EPHA5: variants seen among roughly 807,000 people sequenced by gnomAD.
The protein encoded by EPHA5 is ephrin type-A receptor 5.
Under a neutral mutation model 105.0 loss-of-function variants are expected in EPHA5, and 60 were observed. The ratio of observed to expected loss-of-function variants is 0.57; its 90% CI spans 0.46 to 0.71. The LOEUF (loss-of-function observed/expected upper bound fraction) is 0.71, where lower values mean the gene tolerates loss of function less well. Ranked by LOEUF, EPHA5 falls within the 30% of genes least tolerant of loss-of-function variation. EPHA5 has a pLI of 0.00. For synonymous variants in EPHA5, 513 were observed against 449.1 expected (o/e 1.14, Z -1.80); for missense variants, 1,218 against 1,274.7 (o/e 0.96, Z 0.68).
At chr4:65,328,266 C>T (rs1720270433) in intron 16 of EPHA5, among the ~76,000 whole-genome samples, 1 of 151,172 alleles carries the variant, frequency 6.6e-6, no homozygotes, top group East Asian at 1.9e-4. Flanking sequence ...TTTAGAAAAG[C>T]TTCAAATGTT....
chr4:65,343,891 TA>T (rs1721970253), intron 14 of EPHA5, among the ~76,000 whole-genome samples: 1 of 152,066 alleles, frequency 6.6e-6, no homozygotes, highest in Admixed American at 6.6e-5. Context: ...AAAGGTTACA[TA>T]AGCAATTTCT....
intron 8 of EPHA5, among the ~76,000 whole-genome samples, chr4:65,381,510 C>T (rs1233906311): frequency 2.0e-5 from 3 of 151,700 alleles, no homozygotes; most frequent in African/African-American, 4.8e-5. Context: ...CAATATATTT[C>T]ATTAAAGGCC....
At chr4:65,658,443 G>A (rs1749258670) in intron 1 of EPHA5, among the ~76,000 whole-genome samples, 1 of 152,024 alleles carries the variant, frequency 6.6e-6, no homozygotes, top group Non-Finnish European at 1.5e-5. Flanking sequence ...GAAGTCAAGT[G>A]TTTTTCTTCT....
At position 65,323,852 on chromosome 4, in the gene EPHA5, CTGT is replaced by C. The variant is rs1355075660; in HGVS notation, c.*259_*261del. 3.4e-6 allele frequency: 1 copy of C among 295,648 alleles called. No individual in the cohort carries two copies. Among genetic ancestry groups the C allele is most frequent in the African/African-American group, 2.2e-5 (1 of 46,456 alleles). 18.3% of individuals were successfully genotyped at this position (295,648 alleles called of 1,614,324 possible). A position where few individuals can be genotyped will look rare whatever the true frequency, so the allele number is the denominator to read the frequency against. ...TTTTGTAGAAGTAGTGGGAAGGATT[CTGT>C]TGTTGTAACTTAAGATGATGTCTAA... On this transcript the variant is annotated 3_prime_UTR_variant, in exon 17 of 17. Coordinates refer to ENST00000613740, the MANE Select transcript of EPHA5 (RefSeq NM_001281766.3).
At chr4:65,582,776 A>C (rs1741759895) in intron 3 of EPHA5, among the ~76,000 whole-genome samples, 1 of 151,698 alleles carries the variant, frequency 6.6e-6, no homozygotes, top group Non-Finnish European at 1.5e-5. Flanking sequence ...GCCAATTTAC[A>C]TATATTTACT....
intron 5 of EPHA5, among the ~76,000 whole-genome samples, chr4:65,432,853 T>C (rs977186377): frequency 6.6e-6 from 1 of 151,304 alleles, no homozygotes; most frequent in Non-Finnish European, 1.5e-5. Flanking sequence ...ATTAATAAAG[T>C]ATATATTATA....
intron 2 of EPHA5, among the ~76,000 whole-genome samples, chr4:65,615,027 A>T (rs371270193): frequency 6.6e-6 from 1 of 151,896 alleles, no homozygotes; most frequent in Admixed American, 6.6e-5. Flanking sequence ...TTTATAAAAC[A>T]GCAAAATATA....
intron 1 of EPHA5, among the ~76,000 whole-genome samples, chr4:65,666,196 A>G (rs1287805894): frequency 6.6e-6 from 1 of 152,052 alleles, no homozygotes; most frequent in Non-Finnish European, 1.5e-5. Context: ...ATGTGTTTCT[A>G]CCCCACTTTC....
intron 3 of EPHA5, among the ~76,000 whole-genome samples, chr4:65,497,999 T>C (rs529311552): frequency 6.6e-6 from 1 of 152,062 alleles, no homozygotes; most frequent in Admixed American, 6.6e-5. Context: ...GCTATAGCAG[T>C]AAACATAGAT....
At chr4:65,422,306 G>A (rs796735233) in intron 5 of EPHA5, among the ~76,000 whole-genome samples, 6 of 152,158 alleles carry the variant, frequency 3.9e-5, no homozygotes, top group African/African-American at 1.4e-4. Flanking sequence ...TAATGATGAT[G>A]CACAAATTGT....
chr4:65,373,239 T>G (rs1168221391), intron 8 of EPHA5, among the ~76,000 whole-genome samples: 5 of 152,000 alleles, frequency 3.3e-5, no homozygotes, highest in South Asian at 2.1e-4. Flanking sequence ...GATTATATTT[T>G]GCTTAGCAAG....
At chr4:65,550,376 G>A (rs1049822111) in intron 3 of EPHA5, among the ~76,000 whole-genome samples, 4 of 151,964 alleles carry the variant, frequency 2.6e-5, no homozygotes, top group African/African-American at 7.2e-5. Context: ...ATGTTAAAAT[G>A]AATATTTTAT....
At chr4:65,586,781 C>A (rs1040616424) in intron 3 of EPHA5, among the ~76,000 whole-genome samples, 1 of 151,760 alleles carries the variant, frequency 6.6e-6, no homozygotes, top group Non-Finnish European at 1.5e-5. Flanking sequence ...AAAATAAAAA[C>A]AACAGTATAT....
chr4:65,483,920 G>A (rs559920132), intron 5 of EPHA5, among the ~76,000 whole-genome samples: 13 of 152,154 alleles, frequency 8.5e-5, no homozygotes, highest in East Asian at 3.9e-4. Flanking sequence ...AACTAGAGCC[G>A]TCATAAAGAA....
chr4:65,494,873 G>A (rs750192400), intron 4 of EPHA5, among the ~76,000 whole-genome samples: 1 of 152,036 alleles, frequency 6.6e-6, no homozygotes, highest in Admixed American at 6.6e-5. Context: ...CTTCTTAGTG[G>A]CTTTATTGGG....
chr4:65,601,259 T>C (rs1034862724), intron 3 of EPHA5, among the ~76,000 whole-genome samples: 6 of 152,284 alleles, frequency 3.9e-5, no homozygotes, highest in African/African-American at 1.4e-4. Flanking sequence ...TTAAATTTTA[T>C]ACAGCAAATA....
rs570701442 is a variant in EPHA5 at position 65,541,216 on chromosome 4, A to G, written c.911-45673T>C. On this transcript the variant is annotated intron_variant, in intron 3 of 16. Transcript: ENST00000613740. ...CAACTAGTGTGAAAAATAACTAGAT[A>G]GTATCAGGATGATAGGATAAAATTC... Among the ~76,000 whole-genome samples the G allele has an allele frequency of 2.0e-5, 3 of 151,892 alleles. No homozygotes were observed. In the East Asian group the frequency reaches 5.8e-4, roughly 29 times the overall value.
chr4:65,350,595 T>C (rs1722722539), intron 13 of EPHA5, among the ~76,000 whole-genome samples: 2 of 152,088 alleles, frequency 1.3e-5, no homozygotes, highest in South Asian at 4.1e-4. Flanking sequence ...ATTAAGCAAA[T>C]ATTGTTTATC....
chr4:65,630,783 C>G (rs1295853460), intron 2 of EPHA5, among the ~76,000 whole-genome samples: 1 of 152,112 alleles, frequency 6.6e-6, no homozygotes, highest in African/African-American at 2.4e-5. Flanking sequence ...AGAGAGAAAG[C>G]AACCCCTGCC....
Sources: allele counts gnomAD v4.1 joint callset (sites outside exome capture counted in the v4.1 genomes callset), GRCh38; gene constraint gnomAD v4.1.1; transcripts MANE v1.5; gene names NCBI Gene and HGNC (gene_info 2026-07-23, HGNC 2026-07-21).